MYO16: variants seen among roughly 807,000 people sequenced by gnomAD.
MYO16 encodes the protein myosin XVI.
A neutral mutation model predicts 205.3 loss-of-function variants in MYO16; 94 were observed. The observed-to-expected ratio is 0.46, with a 90% CI of 0.39 to 0.54. The LOEUF (loss-of-function observed/expected upper bound fraction) is 0.54. MYO16 is among the 20% of genes least tolerant of loss of function. The pLI is 0.00. For missense variants in MYO16, 2,315 were observed against 2,387.5 expected, an observed-to-expected ratio of 0.97 and a Z score of 0.63; for synonymous variants, 988 against 954.0, an observed-to-expected ratio of 1.04 and a Z score of -0.66.
At chr13:109,051,365 A>G (rs1304201969) in intron 24 of MYO16, among the ~76,000 whole-genome samples, 1 of 152,118 alleles carries the variant, frequency 6.6e-6, no homozygotes, top group African/African-American at 2.4e-5. Flanking sequence ...GAAACTAAAC[A>G]CTTTGCCACA....
intron 9 of MYO16, among the ~76,000 whole-genome samples, chr13:108,834,475 G>T (rs992652206): frequency 2.6e-5 from 4 of 152,112 alleles, no homozygotes; most frequent in African/African-American, 7.2e-5. Flanking sequence ...TAAAGACATT[G>T]CTCCAAGAAA....
Position 109,098,253 on chromosome 13 carries a change from A to G in MYO16, c.3336-2532A>G, listed in dbSNP as rs1594083686. 2.0e-5 allele frequency among the ~76,000 whole-genome samples: 3 copies of G among 152,326 alleles called. No homozygotes were observed. The South Asian group carries it at 6.2e-4, about 32-fold the overall frequency. Reference sequence around the variant, plus strand: ...TAAATCATTATAACTAGAATCAAACACATCTTTATTAATCAAAATAGGAAC... The same window carrying G: ...TAAATCATTATAACTAGAATCAAACGCATCTTTATTAATCAAAATAGGAAC... On this transcript the variant is annotated intron_variant, in intron 27 of 34. Coordinates refer to ENST00000457511, the MANE Select transcript of MYO16 (RefSeq NM_001198950.3).
intron 5 of MYO16, 91 bp from the exon 6 acceptor site, chr13:108,793,425 A>G: frequency 7.9e-7 from 1 of 1,261,454 alleles, no homozygotes; most frequent in Non-Finnish European, 1.1e-6. Flanking sequence ...AGAAAAACAC[A>G]TTGAAAGAAT....
chr13:108,897,962 A>G, intron 14 of MYO16, 54 bp from the exon 15 acceptor site: 1 of 1,358,996 alleles, frequency 7.4e-7, no homozygotes, highest in Non-Finnish European at 1.1e-6. Context: ...ATTACTCATC[A>G]ATTTTATTTC....
At chr13:109,018,972 T>TC (rs1227002607) in intron 22 of MYO16, among the ~76,000 whole-genome samples, 2 of 149,218 alleles carry the variant, frequency 1.3e-5, no homozygotes, top group Non-Finnish European at 2.9e-5. Flanking sequence ...GTTTTTTTTT[T>TC]TGTTTTTTTT....
chr13:108,960,877 A>G (rs914208380), intron 17 of MYO16, among the ~76,000 whole-genome samples: 7 of 152,204 alleles, frequency 4.6e-5, no homozygotes, highest in South Asian at 2.1e-4. Flanking sequence ...CTCTTTCAGC[A>G]TTCTCTTACT....
intron 33 of MYO16, among the ~76,000 whole-genome samples, chr13:109,166,249 A>G (rs1332141751): frequency 3.3e-5 from 5 of 152,258 alleles, no homozygotes; most frequent in African/African-American, 4.8e-5. Flanking sequence ...CAGCAGAAAT[A>G]GGAAACTATA....
the MYO16 span, among the ~76,000 whole-genome samples, chr13:108,554,017 G>A: frequency 0.028 from 4,240 of 152,262 alleles, 102 homozygotes; most frequent in Middle Eastern, 0.13. Flanking sequence ...AAAGCCATGC[G>A]CTGCCTCCAT....
chr13:108,702,101 C>T (rs931337552), intron 2 of MYO16, among the ~76,000 whole-genome samples: 1 of 152,012 alleles, frequency 6.6e-6, no homozygotes, highest in African/African-American at 2.4e-5. Context: ...AATGGAGTCA[C>T]AGATGAGAGG....
the MYO16 span, among the ~76,000 whole-genome samples, chr13:108,496,608 G>A: frequency 6.6e-6 from 1 of 152,184 alleles, no homozygotes; most frequent in Admixed American, 6.5e-5. Flanking sequence ...CCACTAGGCC[G>A]GTGGAAGTGC....
intron 21 of MYO16, among the ~76,000 whole-genome samples, chr13:109,003,026 AT>A (rs1885268596): frequency 6.6e-6 from 1 of 152,210 alleles, no homozygotes; most frequent in Admixed American, 6.5e-5. Context: ...GGTTCAAACA[AT>A]GAGTGCTTTG....
the MYO16 span, among the ~76,000 whole-genome samples, chr13:108,579,298 G>GA: frequency 1.3e-5 from 2 of 152,164 alleles, no homozygotes; most frequent in African/African-American, 4.8e-5. Context: ...GTAACTAAAT[G>GA]AAAAGCTGTT....
intron 4 of MYO16, among the ~76,000 whole-genome samples, chr13:108,781,866 C>G (rs1248695096): frequency 6.6e-6 from 1 of 152,160 alleles, no homozygotes; most frequent in Non-Finnish European, 1.5e-5. Context: ...TCCTCATTTT[C>G]TCTTACCACT....
rs941089092 is a variant in MYO16, at chr13:108,734,374, G to A, written c.507+6791G>A. On this transcript the variant is annotated intron_variant, in intron 4 of 34. Transcript: ENST00000457511. The stretch of plus-strand genomic sequence containing the variant: ...CTTCTTCTCTAGAAAAATTGATATC[G>A]CTTCCTCACAATTTCAGCAAGATGC... Among the ~76,000 whole-genome samples, 7 of 151,996 alleles carry A rather than the reference G, an allele frequency of 4.6e-5. No homozygotes were observed. In the East Asian group the frequency reaches 5.8e-4, roughly 13 times the overall value.
intron 32 of MYO16, among the ~76,000 whole-genome samples, chr13:109,153,535 G>A (rs1398008467): frequency 2.0e-5 from 3 of 152,130 alleles, no homozygotes; most frequent in Non-Finnish European, 2.9e-5. Flanking sequence ...AAGACCGTCC[G>A]ATCACCTGAG....
the MYO16 span, among the ~76,000 whole-genome samples, chr13:108,558,275 G>A: frequency 6.6e-6 from 1 of 152,118 alleles, no homozygotes; most frequent in Non-Finnish European, 1.5e-5. Flanking sequence ...GGTGATTCCT[G>A]CTGGCTTCCC....
chr13:109,140,263 G>A lies in MYO16; in HGVS notation c.4052-1G>A, dbSNP rs1438173889. The A allele has an allele frequency of 6.3e-7, 1 of 1,598,754 alleles. No homozygotes were observed. The stretch of plus-strand genomic sequence containing the variant: ...ACTGACCGCGTCCTTTCCTGCCGCA[G>A]CTCTGGCCCGGCCCAGACCGCACAG... On this transcript the variant is annotated splice_acceptor_variant, in intron 31 of 34. Transcript: ENST00000457511. LOFTEE classifies it high-confidence loss of function. The surrounding 1 kb of genome is among the most constrained non-coding windows in gnomAD (Gnocchi z 8.0).
At chr13:108,734,942 G>T (rs1314139192) in intron 4 of MYO16, among the ~76,000 whole-genome samples, 1 of 152,160 alleles carries the variant, frequency 6.6e-6, no homozygotes, top group Non-Finnish European at 1.5e-5. Context: ...CCAGTGAGAA[G>T]GAAGTTGGCT....
At chr13:108,524,497 G>A in the MYO16 span, among the ~76,000 whole-genome samples, 1 of 152,042 alleles carries the variant, frequency 6.6e-6, no homozygotes, top group Non-Finnish European at 1.5e-5. Flanking sequence ...TGTAAACCCT[G>A]TATAACTGTG....
Sources: allele counts gnomAD v4.1 joint callset (sites outside exome capture counted in the v4.1 genomes callset), GRCh38; gene constraint gnomAD v4.1.1; non-coding constraint Gnocchi (gnomAD v3.1); transcripts MANE v1.5; gene names NCBI Gene and HGNC (gene_info 2026-07-23, HGNC 2026-07-21).